Variants in LRRC37A2 observed in about 807,000 individuals in gnomAD.
LRRC37A2 encodes the protein leucine-rich repeat-containing protein 37A2.
Under a neutral mutation model 68.8 loss-of-function variants are expected in LRRC37A2, and 9 were observed. The ratio of observed to expected loss-of-function variants is 0.13; its 90% CI spans 0.08 to 0.23. LRRC37A2 has a LOEUF of 0.23. Among genes scored for constraint, LRRC37A2 ranks in the 10% least tolerant of loss-of-function variants. The pLI is 1.00. For synonymous variants in LRRC37A2, 63 were observed against 367.6 expected, an observed-to-expected ratio of 0.17 and a Z score of 9.48; for missense variants, 168 against 950.4, an observed-to-expected ratio of 0.18 and a Z score of 10.82.
the LRRC37A2 span, chr17:47,005,820 C>G: frequency 6.6e-6 from 1 of 152,114 alleles, no homozygotes; most frequent in Non-Finnish European, 1.5e-5. Flanking sequence ...CCTCAGGATC[C>G]TGCTATTTTG....
At chr17:46,840,004 TTTC>T in the LRRC37A2 span, among the ~76,000 whole-genome samples, 1 of 5,130 alleles carries the variant, frequency 1.9e-4, no homozygotes, top group South Asian at 0.015. Flanking sequence ...TTCTTTCTTC[TTTC>T]TTTCTTTCTT....
the LRRC37A2 span, among the ~76,000 whole-genome samples, chr17:46,809,021 G>C: frequency 6.6e-6 from 1 of 152,180 alleles, no homozygotes; most frequent in Non-Finnish European, 1.5e-5. Context: ...ACAGGCCCCA[G>C]GTTGGGCTGC....
At chr17:46,810,066 G>GTGCAATC in the LRRC37A2 span, among the ~76,000 whole-genome samples, 1 of 149,778 alleles carries the variant, frequency 6.7e-6, no homozygotes, top group Non-Finnish European at 1.5e-5. Flanking sequence ...GAAGGCAGTG[G>GTGCAATC]TGCAATCTCG....
At chr17:46,875,171 C>A in the LRRC37A2 span, 1 of 1,614,032 alleles carries the variant, frequency 6.2e-7, no homozygotes, top group South Asian at 1.1e-5. Flanking sequence ...CCCGGGCCTG[C>A]AGCGCTGGGC....
At chr17:46,729,886 AG>A in the LRRC37A2 span, among the ~76,000 whole-genome samples, 1 of 152,084 alleles carries the variant, frequency 6.6e-6, no homozygotes, top group East Asian at 2.0e-4. Flanking sequence ...AATAATGAAA[AG>A]AAACATAACC....
the LRRC37A2 span, among the ~76,000 whole-genome samples, chr17:46,461,975 T>A: frequency 1.4e-5 from 1 of 69,418 alleles, no homozygotes; most frequent in South Asian, 6.1e-4. Flanking sequence ...CCAGCCTGGG[T>A]AACAAAAGTG....
chr17:46,849,849 C>CTTTTTTTTT, the LRRC37A2 span, among the ~76,000 whole-genome samples: 4 of 145,750 alleles, frequency 2.7e-5, no homozygotes, highest in Non-Finnish European at 1.5e-5. Flanking sequence ...CATTTAATAT[C>CTTTTTTTTT]TTTTTTTTTT....
chr17:46,999,711 G>C, the LRRC37A2 span, among the ~76,000 whole-genome samples: 1 of 151,812 alleles, frequency 6.6e-6, no homozygotes, highest in Non-Finnish European at 1.5e-5. Flanking sequence ...TAGTAAGAGT[G>C]CTGTCAGCCT....
chr17:46,809,309 C>T, the LRRC37A2 span, among the ~76,000 whole-genome samples: 3 of 152,178 alleles, frequency 2.0e-5, no homozygotes, highest in African/African-American at 7.2e-5. Context: ...ACTCACAGCA[C>T]AAGCCCTATT....
At chr17:46,923,644 A>G in the LRRC37A2 span, 4 of 1,155,802 alleles carry the variant, frequency 3.5e-6, no homozygotes, top group Non-Finnish European at 4.4e-6. Context: ...CACGTACGGG[A>G]AAGTATTTGT....
chr17:46,755,047 C>T, the LRRC37A2 span, among the ~76,000 whole-genome samples: 1 of 152,254 alleles, frequency 6.6e-6, no homozygotes, highest in Non-Finnish European at 1.5e-5. Flanking sequence ...GCACAGGGCA[C>T]GCCTGGCCCA....
the LRRC37A2 span, among the ~76,000 whole-genome samples, chr17:46,863,352 A>G: frequency 3.3e-5 from 5 of 152,190 alleles, no homozygotes; most frequent in Admixed American, 2.0e-4. Flanking sequence ...GTGTCTGTAG[A>G]GCATCTGCTT....
chr17:46,947,024 G>A, the LRRC37A2 span, among the ~76,000 whole-genome samples: 1 of 152,182 alleles, frequency 6.6e-6, no homozygotes, highest in Non-Finnish European at 1.5e-5. Flanking sequence ...ATTCACAGGG[G>A]AGCCATGTGA....
chr17:46,811,859 A>C, the LRRC37A2 span, among the ~76,000 whole-genome samples: 1 of 152,182 alleles, frequency 6.6e-6, no homozygotes, highest in Non-Finnish European at 1.5e-5. Flanking sequence ...CGGGAGGCTG[A>C]GGCAGGAGAA....
chr17:46,550,855 T>G (rs28398293), intron 11 of LRRC37A2, among the ~76,000 whole-genome samples: 76,020 of 120,236 alleles, frequency 0.63, 27,393 homozygotes, highest in Middle Eastern at 0.83. Flanking sequence ...TATTTCCTTG[T>G]TGCTGAAATG....
the LRRC37A2 span, among the ~76,000 whole-genome samples, chr17:46,392,381 T>A: frequency 3.1e-5 from 2 of 65,028 alleles, 1 homozygote; most frequent in East Asian, 9.0e-4. Context: ...CTAATTTATT[T>A]TCTTTCTTTC....
chr17:46,829,918 A>T, the LRRC37A2 span, among the ~76,000 whole-genome samples: 1 of 152,088 alleles, frequency 6.6e-6, no homozygotes, highest in Non-Finnish European at 1.5e-5. Flanking sequence ...CTTATCTGGC[A>T]AATGGGTATA....
chr17:46,958,240 T>A, the LRRC37A2 span, among the ~76,000 whole-genome samples: 1 of 152,102 alleles, frequency 6.6e-6, no homozygotes, highest in African/African-American at 2.4e-5. Flanking sequence ...AGTGGAGCCG[T>A]CAACCTTCAC....
chr17:46,957,258 T>TTC, the LRRC37A2 span, among the ~76,000 whole-genome samples: 7 of 151,872 alleles, frequency 4.6e-5, no homozygotes, highest in East Asian at 1.4e-3. Context: ...TGAGCTGAGT[T>TTC]TACATCACTG....
Sources: allele counts gnomAD v4.1 joint callset (sites outside exome capture counted in the v4.1 genomes callset), GRCh38; gene constraint gnomAD v4.1.1; transcripts MANE v1.5; gene names NCBI Gene and HGNC (gene_info 2026-07-23, HGNC 2026-07-21).